The following FBXO31 variants were observed in gnomAD, a reference collection of about 807,000 sequenced individuals.
The protein encoded by FBXO31 is F-box only protein 31.
A neutral mutation model predicts 54.4 loss-of-function variants in FBXO31; 24 were observed. That is an observed-to-expected ratio of 0.44 (90% CI 0.32 to 0.62). The LOEUF (loss-of-function observed/expected upper bound fraction) is 0.62. Ranked by LOEUF, FBXO31 falls within the 20% of genes least tolerant of loss-of-function variation. The probability of loss-of-function intolerance (pLI) is 0.05; values close to 1 mark genes in which losing one functional copy is unlikely to be tolerated. For synonymous variants in FBXO31, 388 were observed against 335.6 expected, an observed-to-expected ratio of 1.16 and a Z score of -1.71; for missense variants, 665 against 787.1, an observed-to-expected ratio of 0.84 and a Z score of 1.86.
At chr16:87,351,788 G>C (rs1905671685) in intron 2 of FBXO31, among the ~76,000 whole-genome samples, 1 of 152,170 alleles carries the variant, frequency 6.6e-6, no homozygotes, top group Admixed American at 6.5e-5. Flanking sequence ...AGAATCGCTT[G>C]AACCCAGGAG....
At chr16:87,376,077 T>C (rs528260568) in intron 1 of FBXO31, among the ~76,000 whole-genome samples, 1 of 152,172 alleles carries the variant, frequency 6.6e-6, no homozygotes, top group African/African-American at 2.4e-5. Context: ...TGCCAGTGTA[T>C]TCCCCCTGCC....
At position 87,346,833 on chromosome 16, in the gene FBXO31, C is replaced by G. The variant is rs74475925; in HGVS notation, c.489+341G>C. Among the ~76,000 whole-genome samples, 756 of 152,256 alleles carry G rather than the reference C, an allele frequency of 5.0e-3. 7 individuals are homozygous for G. The highest frequency in any genetic ancestry group is 0.018 in the African/African-American group (730 of 41,560). ...ATGGCTGGAACATGGGGGGCAAAGA[C>G]CAGGAACGGAAGGACCTGGCTGAGG... On this transcript the variant is annotated intron_variant, in intron 3 of 8. Coordinates refer to ENST00000311635, the MANE Select transcript of FBXO31 (RefSeq NM_024735.5). This position sits in a 1 kb window ranked among gnomAD's most constrained non-coding sequence, Gnocchi z 4.2.
At chr16:87,332,701 G>A (rs921808030) in intron 8 of FBXO31, among the ~76,000 whole-genome samples, 7 of 146,334 alleles carry the variant, frequency 4.8e-5, no homozygotes, top group African/African-American at 1.8e-4. Flanking sequence ...CCGGGAGCTG[G>A]GCCTGTGGCA....
chr16:87,375,949 G>A (rs1000333602), intron 1 of FBXO31, among the ~76,000 whole-genome samples: 3 of 152,184 alleles, frequency 2.0e-5, no homozygotes, highest in African/African-American at 7.2e-5. Flanking sequence ...CCCACATGCA[G>A]GGGCCAGAGA....
At position 87,383,289 on chromosome 16, in the gene FBXO31, C is replaced by T; in HGVS notation, c.340+116G>A. On this transcript the variant is annotated intron_variant, in intron 1 of 8. Coordinates refer to ENST00000311635, the MANE Select transcript of FBXO31 (RefSeq NM_024735.5). The surrounding 1 kb of genome is among the most constrained non-coding windows in gnomAD (Gnocchi z 4.9). ...CCCAAAACACCACATCGCCGGGCCC[C>T]GCGCCCAACTGGTGGCCCCCGGCCG... 3 of 999,196 alleles carry T rather than the reference C, an allele frequency of 3.0e-6. No individual in the cohort carries two copies. Among genetic ancestry groups the T allele is most frequent in the Non-Finnish European group, 4.2e-6 (3 of 719,850 alleles). 61.9% of individuals were successfully genotyped at this position (999,196 alleles called of 1,614,324 possible).
chr16:87,383,342 C>T lies in FBXO31; in HGVS notation c.340+63G>A, dbSNP rs1467134629. ...GCCACCGCCCCCGCCACTCCCAGCTCCGAGGCCTCCACCTGGCAGGGACCC... is the reference window on the plus strand; with the variant it reads ...GCCACCGCCCCCGCCACTCCCAGCTTCGAGGCCTCCACCTGGCAGGGACCC... On this transcript the variant is annotated intron_variant, in intron 1 of 8. Coordinates refer to ENST00000311635, the MANE Select transcript of FBXO31 (RefSeq NM_024735.5). This position sits in a 1 kb window ranked among gnomAD's most constrained non-coding sequence, Gnocchi z 4.9. 27 of 1,391,958 alleles carry T rather than the reference C, an allele frequency of 1.9e-5. No homozygotes were observed. The South Asian group carries it at 2.1e-4, about 11-fold the overall frequency. The allele number at this position is 1,391,958 out of a possible 1,614,324, so 86.2% of individuals were successfully genotyped here.
intron 1 of FBXO31, among the ~76,000 whole-genome samples, chr16:87,376,494 C>T (rs1015371600): frequency 6.6e-6 from 1 of 152,042 alleles, no homozygotes; most frequent in Non-Finnish European, 1.5e-5. Flanking sequence ...AGGCTGGTCT[C>T]GAACTCCTGA....
intron 2 of FBXO31, among the ~76,000 whole-genome samples, chr16:87,353,997 C>G (rs1905784177): frequency 6.6e-6 from 1 of 152,256 alleles, no homozygotes; most frequent in African/African-American, 2.4e-5. Context: ...GCTCCCACAG[C>G]TACATAATGG....
chr16:87,331,183 T>TAGA lies in FBXO31; in HGVS notation c.*104_*105insTCT. The TAGA allele has an allele frequency of 1.7e-6, 2 of 1,166,254 alleles. No individual in the cohort carries two copies. The highest frequency in any genetic ancestry group is 2.5e-5 in the East Asian group (1 of 39,734). The allele number at this position is 1,166,254 out of a possible 1,614,324, so 72.2% of individuals were successfully genotyped here. A position where few individuals can be genotyped will look rare whatever the true frequency, so the allele number is the denominator to read the frequency against. ...ACTGGGCCCCCCGACGAGGTGTGCG[T>TAGA]TCTGGTCAAAAGGCCGGATTTCCAA... On this transcript the variant is annotated 3_prime_UTR_variant, in exon 9 of 9. Coordinates refer to ENST00000311635, the MANE Select transcript of FBXO31 (RefSeq NM_024735.5).
intron 1 of FBXO31, among the ~76,000 whole-genome samples, chr16:87,380,096 A>C (rs1907008689): frequency 1.3e-5 from 2 of 151,142 alleles, no homozygotes; most frequent in African/African-American, 4.8e-5. Context: ...TGAGGATATC[A>C]AGACCATTCT....
rs1485581250 is a variant in FBXO31, at chr16:87,383,322, C to T, written c.340+83G>A. The T allele has an allele frequency of 5.5e-6, 7 of 1,276,378 alleles. No individual in the cohort carries two copies. Among genetic ancestry groups the T allele is most frequent in the East Asian group, 3.0e-5 (1 of 33,148 alleles). 79.1% of individuals were successfully genotyped at this position (1,276,378 alleles called of 1,614,324 possible). A position where few individuals can be genotyped will look rare whatever the true frequency, so the allele number is the denominator to read the frequency against. On this transcript the variant is annotated intron_variant, in intron 1 of 8. Coordinates refer to ENST00000311635, the MANE Select transcript of FBXO31 (RefSeq NM_024735.5). This position sits in a 1 kb window ranked among gnomAD's most constrained non-coding sequence, Gnocchi z 4.9. The stretch of plus-strand genomic sequence containing the variant: ...ACTGGTGGCCCCCGGCCGGGGCCAC[C>T]GCCCCCGCCACTCCCAGCTCCGAGG...
intron 5 of FBXO31, among the ~76,000 whole-genome samples, chr16:87,341,655 CAAAAAAAAAAA>C (rs397854967): frequency 0.032 from 2,294 of 70,768 alleles, 50 homozygotes; most frequent in Middle Eastern, 0.078. Context: ...GACTCCGTCT[CAAAAAAAAAAA>C]AAAAAAAAAA....
chr16:87,349,517 C>A (rs556437403), intron 2 of FBXO31, among the ~76,000 whole-genome samples: 1 of 152,052 alleles, frequency 6.6e-6, no homozygotes, highest in African/African-American at 2.4e-5. Context: ...CGAGACCAGC[C>A]TGGCCAACAT....
intron 2 of FBXO31, among the ~76,000 whole-genome samples, chr16:87,357,980 G>C (rs1025999067): frequency 6.6e-6 from 1 of 151,888 alleles, no homozygotes; most frequent in Non-Finnish European, 1.5e-5. Context: ...ATGCATATGT[G>C]ATTTTTAATT....
intron 5 of FBXO31, 110 bp downstream of exon 5, chr16:87,342,767 A>C: frequency 1.2e-6 from 1 of 849,044 alleles, no homozygotes. Context: ...TGAAACAGCC[A>C]CCATGCAGGT....
chr16:87,348,402 A>G (rs1443048929), intron 2 of FBXO31, among the ~76,000 whole-genome samples: 1 of 152,188 alleles, frequency 6.6e-6, no homozygotes, highest in African/African-American at 2.4e-5. Flanking sequence ...AGCCTTACCC[A>G]TCAAGAGAAA....
chr16:87,342,983 A>G, intron 4 of FBXO31, 32 bp from the exon 5 acceptor site: 1 of 1,570,850 alleles, frequency 6.4e-7, no homozygotes. Context: ...GAAAGAGAAG[A>G]GTGAGGAACA....
At position 87,336,333 on chromosome 16, in the gene FBXO31, G is replaced by T; in HGVS notation, c.733-69C>A. 7.2e-7 allele frequency: 1 copy of T among 1,387,694 alleles called. No homozygotes were observed. Among genetic ancestry groups the T allele is most frequent in the Non-Finnish European group, 1.0e-6 (1 of 982,810 alleles). 86.0% of individuals were successfully genotyped at this position (1,387,694 alleles called of 1,614,324 possible). On this transcript the variant is annotated intron_variant, in intron 5 of 8. Transcript: ENST00000311635. This position sits in a 1 kb window ranked among gnomAD's most constrained non-coding sequence, Gnocchi z 6.5. ...CTGTGAAGAGGCTGCCGGCTGTGCC[G>T]CTGAGAGGACACAGTGTGTCCTTCT... is the stretch of plus-strand genomic sequence containing the variant.
chr16:87,372,871 G>C (rs997643144), intron 1 of FBXO31, among the ~76,000 whole-genome samples: 4 of 151,460 alleles, frequency 2.6e-5, no homozygotes, highest in Non-Finnish European at 5.9e-5. Flanking sequence ...CAAGTAGCTG[G>C]GACTACAGGC....
Sources: gnomAD v4.1 joint callset for allele counts (sites outside exome capture counted in the v4.1 genomes callset) on GRCh38, gnomAD v4.1.1 for gene constraint, Gnocchi (gnomAD v3.1) non-coding constraint, MANE v1.5 for transcripts, NCBI Gene and HGNC (gene_info 2026-07-23, HGNC 2026-07-21) for gene names.